The following MET variants were observed in gnomAD, a reference collection of about 807,000 sequenced individuals.
MET encodes MET proto-oncogene, receptor tyrosine kinase.
In MET, 48 loss-of-function variants were observed where a neutral mutation model predicts 133.1. That is an observed-to-expected ratio of 0.36 (90% confidence interval 0.29 to 0.46). The LOEUF is 0.46. Ranked by LOEUF, MET falls within the 20% of genes least tolerant of loss-of-function variation. MET has a pLI of 1.00. For missense variants in MET, 1,442 were observed against 1,695.9 expected (o/e 0.85, Z 2.63); for synonymous variants, 628 against 616.5 (o/e 1.02, Z -0.28).
intron 14 of MET, among the ~76,000 whole-genome samples, chr7:116,772,969 C>T (rs915322174): frequency 6.6e-6 from 1 of 152,040 alleles, no homozygotes; most frequent in Admixed American, 6.6e-5. Flanking sequence ...AAATTTAGAT[C>T]TATTTAGTAT....
intron 2 of MET, among the ~76,000 whole-genome samples, chr7:116,712,259 TC>T (rs1026676193): frequency 2.0e-5 from 3 of 152,196 alleles, no homozygotes; most frequent in Admixed American, 1.3e-4. Flanking sequence ...AGGACATTTT[TC>T]CCTAGCCTTC....
chr7:116,779,803 G>GA (rs1423935763), intron 17 of MET, among the ~76,000 whole-genome samples: 4 of 152,164 alleles, frequency 2.6e-5, no homozygotes, highest in African/African-American at 9.6e-5. Flanking sequence ...TTTGGGGGTT[G>GA]AAAAATACAT....
intron 1 of MET, among the ~76,000 whole-genome samples, chr7:116,697,445 C>T (rs1038484467): frequency 2.0e-5 from 3 of 152,236 alleles, no homozygotes; most frequent in Admixed American, 6.5e-5. Context: ...CATTGTATGA[C>T]GGTCTAGCTC....
chr7:116,750,132 T>C (rs1584932829), intron 5 of MET, among the ~76,000 whole-genome samples: 1 of 152,210 alleles, frequency 6.6e-6, no homozygotes, highest in Non-Finnish European at 1.5e-5. Context: ...AAGACAATCC[T>C]AAGCAAAAAG....
At chr7:116,725,498 A>C (rs551919023) in intron 2 of MET, among the ~76,000 whole-genome samples, 30 of 150,296 alleles carry the variant, frequency 2.0e-4, no homozygotes, top group Non-Finnish European at 3.7e-4. Context: ...ACACACACAA[A>C]AGAATTATGT....
At chr7:116,786,019 C>T (rs1444994776) in intron 19 of MET, among the ~76,000 whole-genome samples, 1 of 152,206 alleles carries the variant, frequency 6.6e-6, no homozygotes, top group African/African-American at 2.4e-5. Flanking sequence ...GGCTGTCATA[C>T]AATAGACCAC....
chr7:116,757,660 C>T lies in MET; in HGVS notation c.1988C>T (p.Ser663Leu), dbSNP rs376459715. The T allele has an allele frequency of 2.2e-5, 35 of 1,613,734 alleles. No individual in the cohort carries two copies. Among genetic ancestry groups the T allele is most frequent in the Middle Eastern group, 3.3e-4 (2 of 6,080 alleles). The change falls in exon 8 of 21, where the codon TCG (serine) becomes TTG (leucine). Residue 663 changes from serine (S) to leucine (L), a missense_variant. By Grantham distance (145) the Ser-to-Leu change is moderately radical (BLOSUM62 -2). Around this residue, in one of 6 missense-constraint regions of MET, gnomAD observed 514 missense variants for 659.6 expected, o/e 0.78. Transcript: ENST00000397752. ...CAGGATCCTGTAATAACAAGTATTT[C>T]GCCGAAATACGGTCCTATGGCTGGT... ...SYVDPVITSI[S>L]PKYGPMAGGT...
chr7:116,690,636 T>A (rs1247188385), intron 1 of MET, among the ~76,000 whole-genome samples: 1 of 152,246 alleles, frequency 6.6e-6, no homozygotes, highest in Non-Finnish European at 1.5e-5. Flanking sequence ...TAACACTAAC[T>A]GTTAAGTCTT....
chr7:116,718,404 T>C (rs1328062272), intron 2 of MET, among the ~76,000 whole-genome samples: 1 of 151,522 alleles, frequency 6.6e-6, no homozygotes, highest in Non-Finnish European at 1.5e-5. Flanking sequence ...AATAAATAAA[T>C]AAAAATTTTA....
At chr7:116,794,611 C>T (rs373854151) in intron 19 of MET, among the ~76,000 whole-genome samples, 11 of 152,236 alleles carry the variant, frequency 7.2e-5, no homozygotes, top group Non-Finnish European at 1.2e-4. Flanking sequence ...GCAAGCTACA[C>T]TTGCCTCTCA....
chr7:116,753,364 C>A (rs1175251199), intron 5 of MET, among the ~76,000 whole-genome samples: 2 of 152,188 alleles, frequency 1.3e-5, no homozygotes, highest in Non-Finnish European at 2.9e-5. Flanking sequence ...CCCAAAAGAG[C>A]ATTTCCTTTC....
intron 2 of MET, among the ~76,000 whole-genome samples, chr7:116,723,520 G>A (rs1481695346): frequency 3.9e-5 from 6 of 152,342 alleles, no homozygotes; most frequent in East Asian, 3.9e-4. Flanking sequence ...TTCCGTTGCT[G>A]GTGAGGAACT....
chr7:116,676,998 T>TG (rs960783016), intron 1 of MET, among the ~76,000 whole-genome samples: 2 of 151,628 alleles, frequency 1.3e-5, no homozygotes, highest in Admixed American at 1.3e-4. Flanking sequence ...GTTTTTTTTT[T>TG]TGTTTTTTTG....
rs1470727099 is a variant in MET at position 116,759,510 on chromosome 7, GT to G, written c.2364+22del. 1.2e-5 allele frequency: 20 copies of G among 1,608,278 alleles called. No homozygotes were observed. Among genetic ancestry groups the G allele is most frequent in the Non-Finnish European group, 1.7e-5 (20 of 1,177,042 alleles). On this transcript the variant is annotated intron_variant, in intron 10 of 20. Transcript: ENST00000397752. ...ACAGTGGTAAGTCCTTTGAGCAATGGTTCTACTCAGAGCTCTGCATCTTTGC... is the reference window on the plus strand; with the variant it reads ...ACAGTGGTAAGTCCTTTGAGCAATGGTCTACTCAGAGCTCTGCATCTTTGC...
At chr7:116,770,559 A>C (rs1395592378) in intron 12 of MET, among the ~76,000 whole-genome samples, 1 of 152,104 alleles carries the variant, frequency 6.6e-6, no homozygotes, top group East Asian at 1.9e-4. Context: ...CTCTATAACC[A>C]ATAAGCAGCA....
At chr7:116,779,405 A>C (rs562531041) in intron 17 of MET, among the ~76,000 whole-genome samples, 1 of 152,178 alleles carries the variant, frequency 6.6e-6, no homozygotes, top group East Asian at 1.9e-4. Context: ...GTGCTCCCTC[A>C]GCCTGGAACA....
chr7:116,790,795 G>T (rs1795465375), intron 19 of MET, among the ~76,000 whole-genome samples: 1 of 152,100 alleles, frequency 6.6e-6, no homozygotes, highest in South Asian at 2.1e-4. Context: ...GAACATTTGG[G>T]GCCAGGAGAG....
chr7:116,774,056 T>A (rs900716689), intron 14 of MET, among the ~76,000 whole-genome samples: 1 of 152,168 alleles, frequency 6.6e-6, no homozygotes, highest in Non-Finnish European at 1.5e-5. Flanking sequence ...CTCCTTGATA[T>A]GTGTGAATTC....
At chr7:116,765,230 G>A (rs1794575845) in intron 11 of MET, among the ~76,000 whole-genome samples, 1 of 149,996 alleles carries the variant, frequency 6.7e-6, no homozygotes, top group Non-Finnish European at 1.5e-5. Flanking sequence ...AGTCCTGAAG[G>A]CGGAGGTTGC....
Sources: allele counts gnomAD v4.1 joint callset (sites outside exome capture counted in the v4.1 genomes callset), GRCh38; gene constraint gnomAD v4.1.1; regional missense constraint gnomAD v4.1.1; transcripts MANE v1.5; gene names NCBI Gene and HGNC (gene_info 2026-07-23, HGNC 2026-07-21).